The following POLE2 variants were observed in gnomAD, a reference collection of about 807,000 sequenced individuals.
POLE2 encodes DNA polymerase epsilon 2, accessory subunit.
In POLE2, 56 loss-of-function variants were observed where a neutral mutation model predicts 79.4. The ratio of observed to expected loss-of-function variants is 0.71; its 90% CI spans 0.57 to 0.88. The LOEUF (loss-of-function observed/expected upper bound fraction) is 0.88, where lower values mean the gene tolerates loss of function less well. Among genes scored for constraint, POLE2 ranks in the 40% least tolerant of loss-of-function variants. The pLI is 0.00. For missense variants in POLE2, 598 were observed against 638.9 expected, an observed-to-expected ratio of 0.94 and a Z score of 0.69; for synonymous variants, 212 against 214.0, an observed-to-expected ratio of 0.99 and a Z score of 0.08.
intron 10 of POLE2, among the ~76,000 whole-genome samples, chr14:49,658,158 G>A (rs567045342): frequency 4.4e-4 from 66 of 151,272 alleles, no homozygotes; most frequent in African/African-American, 1.6e-3. Context: ...CTCACTGCAA[G>A]CTCTGCCTCC....
At chr14:49,656,920 C>A (rs567610089) in intron 10 of POLE2, among the ~76,000 whole-genome samples, 1 of 152,144 alleles carries the variant, frequency 6.6e-6, no homozygotes, top group Non-Finnish European at 1.5e-5. Context: ...ACCAGCCTGA[C>A]CAACATGGTG....
intron 16 of POLE2, 78 bp downstream of exon 16, chr14:49,651,191 C>A: frequency 1.5e-6 from 1 of 656,160 alleles, no homozygotes; most frequent in Non-Finnish European, 2.8e-6. Context: ...AACCCAAGGA[C>A]AAATTATTAA....
At chr14:49,671,916 TGCAC>T (rs1885926830) in intron 5 of POLE2, among the ~76,000 whole-genome samples, 2 of 152,158 alleles carry the variant, frequency 1.3e-5, no homozygotes, top group Admixed American at 1.3e-4. Flanking sequence ...TTTGCACCAC[TGCAC>T]TCTAGCCTAG....
At chr14:49,653,906 G>A (rs1884461040) in intron 15 of POLE2, 84 bp downstream of exon 15, 1 of 765,454 alleles carries the variant, frequency 1.3e-6, no homozygotes, top group Non-Finnish European at 2.2e-6. Flanking sequence ...CTCCCAAAGT[G>A]CTGAGATTAC....
intron 5 of POLE2, among the ~76,000 whole-genome samples, chr14:49,670,358 G>A (rs973323881): frequency 4.1e-5 from 6 of 146,146 alleles, no homozygotes; most frequent in African/African-American, 5.1e-5. Flanking sequence ...ATTTCAGGCA[G>A]AGAAATTATA....
chr14:49,683,510 C>G (rs536680297), intron 2 of POLE2, 83 bp downstream of exon 2: 6 of 665,464 alleles, frequency 9.0e-6, no homozygotes, highest in Non-Finnish European at 1.6e-5. Context: ...AGTGAAGCCT[C>G]AACTTCAATT....
At chr14:49,643,816 CTCTAAAAAA>C (rs1011636790) in intron 18 of POLE2, 146 bp from the exon 19 acceptor site, 5 of 343,956 alleles carry the variant, frequency 1.5e-5, no homozygotes, top group African/African-American at 1.1e-4. Flanking sequence ...CAAAAGGAGA[CTCTAAAAAA>C]TAAGTCATTC....
At chr14:49,652,802 A>G (rs545834897) in intron 15 of POLE2, among the ~76,000 whole-genome samples, 1 of 152,194 alleles carries the variant, frequency 6.6e-6, no homozygotes, top group Non-Finnish European at 1.5e-5. Context: ...ATAATAATAG[A>G]AATAAAGTGC....
rs565360415 is a variant in POLE2, at chr14:49,649,458, C to G, written c.1497+807G>C. Reference sequence around the variant, plus strand: ...ACCACACCCGGCCTATATTTCTTTTCTTTTTTTTTGAGATGGAGTCTCGCT... The same window carrying G: ...ACCACACCCGGCCTATATTTCTTTTGTTTTTTTTTGAGATGGAGTCTCGCT... On this transcript the variant is annotated intron_variant, in intron 17 of 18. Coordinates refer to ENST00000216367, the MANE Select transcript of POLE2 (RefSeq NM_002692.4). 1.7e-3 allele frequency among the ~76,000 whole-genome samples: 199 copies of G among 120,462 alleles called. 3 individuals are homozygous for G. Among genetic ancestry groups the G allele is most frequent in the African/African-American group, 6.3e-3 (195 of 30,944 alleles). 79.0% of individuals were successfully genotyped at this position (120,462 alleles called of 152,430 possible). A position where few individuals can be genotyped will look rare whatever the true frequency, so the allele number is the denominator to read the frequency against.
intron 10 of POLE2, among the ~76,000 whole-genome samples, chr14:49,662,776 A>G (rs1885181482): frequency 6.6e-6 from 1 of 152,230 alleles, no homozygotes; most frequent in Admixed American, 6.5e-5. Context: ...AAAGGTCTAT[A>G]AACTACTTTC....
At chr14:49,664,905 C>CA (rs1275878154) in intron 8 of POLE2, among the ~76,000 whole-genome samples, 3 of 152,136 alleles carry the variant, frequency 2.0e-5, no homozygotes, top group Non-Finnish European at 2.9e-5. Flanking sequence ...TAAATTTCGT[C>CA]AGTGATTCAT....
chr14:49,654,469 T>C (rs901132566), intron 13 of POLE2: 114 of 453,110 alleles, frequency 2.5e-4, no homozygotes, highest in Non-Finnish European at 3.8e-4. Context: ...ATTTTATATT[T>C]AAATTTAATT....
intron 5 of POLE2, among the ~76,000 whole-genome samples, chr14:49,672,246 A>T (rs959452047): frequency 2.6e-5 from 4 of 152,254 alleles, no homozygotes; most frequent in Non-Finnish European, 5.9e-5. Context: ...ATCTGCATTT[A>T]ATTCAATAGG....
chr14:49,645,340 T>C (rs868838880), intron 18 of POLE2, among the ~76,000 whole-genome samples: 2 of 152,240 alleles, frequency 1.3e-5, no homozygotes, highest in African/African-American at 2.4e-5. Flanking sequence ...TTTGACTACA[T>C]TTCTGTGACT....
chr14:49,667,672 G>A (rs1885586131), intron 6 of POLE2, among the ~76,000 whole-genome samples: 1 of 151,542 alleles, frequency 6.6e-6, no homozygotes, highest in South Asian at 2.1e-4. Flanking sequence ...AGCCCCCTGA[G>A]TCACCAAGAT....
chr14:49,643,597 G>A lies in POLE2; in HGVS notation c.*55C>T. On this transcript the variant is annotated 3_prime_UTR_variant, in exon 19 of 19. Coordinates refer to ENST00000216367, the MANE Select transcript of POLE2 (RefSeq NM_002692.4). The stretch of plus-strand genomic sequence containing the variant: ...TTATTGTAATATCAGAATCACATAA[G>A]ATATAGAGTTAAGCAGAAAACTGAT... The A allele has an allele frequency of 1.1e-6, 1 of 902,950 alleles. No homozygotes were observed. 55.9% of individuals were successfully genotyped at this position (902,950 alleles called of 1,614,324 possible).
chr14:49,665,080 T>A, intron 8 of POLE2, 27 bp downstream of exon 8: 1 of 1,090,990 alleles, frequency 9.2e-7, no homozygotes, highest in Non-Finnish European at 1.4e-6. Context: ...ATGCAGATTT[T>A]AAAAAATACA....
Position 49,643,597 on chromosome 14 carries a change from G to C in POLE2, c.*55C>G. ...TTATTGTAATATCAGAATCACATAA[G>C]ATATAGAGTTAAGCAGAAAACTGAT... On this transcript the variant is annotated 3_prime_UTR_variant, in exon 19 of 19. Coordinates refer to ENST00000216367, the MANE Select transcript of POLE2 (RefSeq NM_002692.4). 1 of 902,950 alleles carries C rather than the reference G, an allele frequency of 1.1e-6. No homozygotes were observed. Among genetic ancestry groups the C allele is most frequent in the Non-Finnish European group, 1.8e-6 (1 of 567,994 alleles). 55.9% of individuals were successfully genotyped at this position (902,950 alleles called of 1,614,324 possible).
intron 6 of POLE2, among the ~76,000 whole-genome samples, chr14:49,667,554 T>C (rs1197460118): frequency 6.8e-6 from 1 of 147,530 alleles, no homozygotes; most frequent in Non-Finnish European, 1.5e-5. Context: ...GATAGAAACT[T>C]TTTTTTTTTT....
Sources: gnomAD v4.1 joint callset for allele counts (sites outside exome capture counted in the v4.1 genomes callset) on GRCh38, gnomAD v4.1.1 for gene constraint, MANE v1.5 for transcripts, NCBI Gene and HGNC (gene_info 2026-07-23, HGNC 2026-07-21) for gene names.